The following MIER3 variants were observed in gnomAD, a reference collection of about 807,000 sequenced individuals.
MIER3 encodes the protein mesoderm induction early response protein 3.
A neutral mutation model predicts 63.2 loss-of-function variants in MIER3; 9 were observed. That is an observed-to-expected ratio of 0.14 (90% CI 0.09 to 0.25). The LOEUF is 0.25. Ranked by LOEUF, MIER3 falls within the 10% of genes least tolerant of loss-of-function variation. The pLI is 1.00. For missense variants in MIER3, 512 were observed against 666.2 expected (o/e 0.77, Z 2.55); for synonymous variants, 205 against 224.9 (o/e 0.91, Z 0.79).
chr5:56,923,084 A>G lies in MIER3; in HGVS notation c.*44T>C. On this transcript the variant is annotated 3_prime_UTR_variant, in exon 13 of 13. Transcript: ENST00000381199. Reference sequence around the variant, plus strand: ...TATGCAAACCTGATAGCTCCCCTCAAGTTTACTGGTGCTGCACACGCAGTT... The same window carrying G: ...TATGCAAACCTGATAGCTCCCCTCAGGTTTACTGGTGCTGCACACGCAGTT... 2 of 1,555,564 alleles carry G rather than the reference A, an allele frequency of 1.3e-6. No homozygotes were observed. The highest frequency in any genetic ancestry group is 1.8e-6 in the Non-Finnish European group (2 of 1,134,946).
At position 56,921,261 on chromosome 5, in the gene MIER3, A is replaced by G. The variant is rs1006939897; in HGVS notation, c.*1867T>C. ...AAGATTATGGCCAGTATCTTACTAAATTATAGAAAGTGTACTGATTTTTAA... is the reference window on the plus strand; with the variant it reads ...AAGATTATGGCCAGTATCTTACTAAGTTATAGAAAGTGTACTGATTTTTAA... On this transcript the variant is annotated 3_prime_UTR_variant, in exon 13 of 13. Transcript: ENST00000381199. 1.3e-5 allele frequency: 2 copies of G among 152,556 alleles called. No homozygotes were observed. Among genetic ancestry groups the G allele is most frequent in the Admixed American group, 1.3e-4 (2 of 15,276 alleles). The allele number at this position is 152,556 out of a possible 1,614,324, so 9.5% of individuals were successfully genotyped here. A position where few individuals can be genotyped will look rare whatever the true frequency, so the allele number is the denominator to read the frequency against.
At chr5:56,941,436 G>A (rs1750643285) in intron 3 of MIER3, 1 of 152,228 alleles carries the variant, frequency 6.6e-6, no homozygotes, top group African/African-American at 2.4e-5. Context: ...CTTCCAGAGG[G>A]TAGCAGGGAA....
intron 10 of MIER3, chr5:56,925,463 C>T: frequency 3.1e-6 from 1 of 319,236 alleles, no homozygotes; most frequent in South Asian, 2.6e-5. Context: ...TATATAACAG[C>T]AATGACGATT....
chr5:56,924,132 C>T, intron 10 of MIER3, 90 bp from the exon 11 acceptor site: 1 of 1,273,990 alleles, frequency 7.8e-7, no homozygotes. Context: ...AACTTCAATC[C>T]ATGGGTCTTA....
intron 4 of MIER3, among the ~76,000 whole-genome samples, chr5:56,938,113 CACTG>C (rs1414744880): frequency 1.3e-5 from 2 of 152,204 alleles, no homozygotes; most frequent in Non-Finnish European, 2.9e-5. Context: ...TAATGAACAG[CACTG>C]ACTACTGACA....
At chr5:56,925,494 C>T (rs1749923878) in intron 10 of MIER3, 1 of 283,486 alleles carries the variant, frequency 3.5e-6, no homozygotes. Context: ...ATTTAAAACA[C>T]AAGACCATTT....
intron 3 of MIER3, among the ~76,000 whole-genome samples, chr5:56,942,712 T>C (rs144964715): frequency 2.4e-4 from 37 of 151,672 alleles, no homozygotes; most frequent in African/African-American, 8.5e-4. Context: ...AGCCAGAAAA[T>C]AGAACGAGGA....
intron 3 of MIER3, among the ~76,000 whole-genome samples, chr5:56,944,600 C>T (rs1395318328): frequency 6.6e-6 from 1 of 152,172 alleles, no homozygotes; most frequent in Non-Finnish European, 1.5e-5. Flanking sequence ...CCAAATGAGG[C>T]TGAGATGCAT....
In MIER3 at chr5:56,930,758, T is replaced by A. The variant is rs376956708; in HGVS notation, c.748-13A>T. On this transcript the variant is annotated splice_polypyrimidine_tract_variant and intron_variant, in intron 8 of 12. Coordinates refer to ENST00000381199, the MANE Select transcript of MIER3 (RefSeq NM_001297599.2). ...GTTCATATAATGCCTGGGATGGATATTCAATAAAAAGTATTAAAAGTTCAT... is the reference window on the plus strand; with the variant it reads ...GTTCATATAATGCCTGGGATGGATAATCAATAAAAAGTATTAAAAGTTCAT... 2 of 1,606,666 alleles carry A rather than the reference T, an allele frequency of 1.2e-6. No homozygotes were observed. The highest frequency in any genetic ancestry group is 2.2e-5 in the South Asian group (2 of 90,880).
rs1038036928 is a variant in MIER3 at position 56,920,273 on chromosome 5, A to G, written c.*2855T>C. On this transcript the variant is annotated 3_prime_UTR_variant, in exon 13 of 13. Coordinates refer to ENST00000381199, the MANE Select transcript of MIER3 (RefSeq NM_001297599.2). Reference sequence around the variant, plus strand: ...AAAACTAAACATTTAAAAAGCTAGCATGAAAAAGATGAAGTACAACTAACA... The same window carrying G: ...AAAACTAAACATTTAAAAAGCTAGCGTGAAAAAGATGAAGTACAACTAACA... 1 of 152,610 alleles carries G rather than the reference A, an allele frequency of 6.6e-6. No homozygotes were observed. Among genetic ancestry groups the G allele is most frequent in the Non-Finnish European group, 1.5e-5 (1 of 68,000 alleles). The allele number at this position is 152,610 out of a possible 1,614,324, so 9.5% of individuals were successfully genotyped here.
Position 56,922,472 on chromosome 5 carries a change from A to G in MIER3, c.*656T>C, listed in dbSNP as rs1749716597. 1 of 152,752 alleles carries G rather than the reference A, an allele frequency of 6.5e-6. No homozygotes were observed. Among genetic ancestry groups the G allele is most frequent in the African/African-American group, 2.4e-5 (1 of 41,456 alleles). The allele number at this position is 152,752 out of a possible 1,614,324, so 9.5% of individuals were successfully genotyped here. The stretch of plus-strand genomic sequence containing the variant: ...GCAAGCGTCTTCATTATTTGCACAC[A>G]GTTCCTTGTGCTGGCTTCCATAAAG... On this transcript the variant is annotated 3_prime_UTR_variant, in exon 13 of 13. Coordinates refer to ENST00000381199, the MANE Select transcript of MIER3 (RefSeq NM_001297599.2).
At chr5:56,949,465 C>A (rs908780890) in intron 2 of MIER3, among the ~76,000 whole-genome samples, 1 of 152,164 alleles carries the variant, frequency 6.6e-6, no homozygotes, top group African/African-American at 2.4e-5. Flanking sequence ...TTCCATTAAT[C>A]CAGCTGTTTG....
chr5:56,942,410 T>C (rs796648817), intron 3 of MIER3, among the ~76,000 whole-genome samples: 4 of 152,350 alleles, frequency 2.6e-5, no homozygotes, highest in African/African-American at 9.6e-5. Flanking sequence ...AAAGATCCCT[T>C]TCTTGAGTTA....
At chr5:56,928,746 G>A in intron 10 of MIER3, 21 bp downstream of exon 10, 4 of 1,544,120 alleles carry the variant, frequency 2.6e-6, no homozygotes, top group Non-Finnish European at 3.6e-6. Flanking sequence ...TAATTTATCT[G>A]TACTAATCTG....
chr5:56,946,894 G>T, intron 3 of MIER3, 32 bp downstream of exon 3: 1 of 1,385,438 alleles, frequency 7.2e-7, no homozygotes, highest in Non-Finnish European at 9.6e-7. Context: ...CAAAATCTTT[G>T]TTAAGTTTGT....
chr5:56,937,431 T>C, intron 5 of MIER3, 147 bp downstream of exon 5: 2 of 849,644 alleles, frequency 2.4e-6, no homozygotes, highest in South Asian at 5.4e-5. Flanking sequence ...AAAAGAAAGG[T>C]TATAATCTTG....
intron 3 of MIER3, among the ~76,000 whole-genome samples, chr5:56,946,669 G>GC (rs1183327762): frequency 6.6e-6 from 1 of 151,968 alleles, no homozygotes; most frequent in Non-Finnish European, 1.5e-5. Flanking sequence ...ATAGTTTTCC[G>GC]TATCTCAATT....
chr5:56,928,488 G>A, intron 10 of MIER3: 1 of 226,840 alleles, frequency 4.4e-6, no homozygotes, highest in Non-Finnish European at 8.6e-6. Context: ...TGATAAGAAA[G>A]GAAAGTCAAG....
At chr5:56,923,659 CTG>C (rs760019019) in intron 12 of MIER3, 30 bp downstream of exon 12, 5 of 1,613,872 alleles carry the variant, frequency 3.1e-6, no homozygotes, top group African/African-American at 1.3e-5. Context: ...TTGCAACAAA[CTG>C]TACTAAATGC....
Sources: gnomAD v4.1 joint callset for allele counts (sites outside exome capture counted in the v4.1 genomes callset) on GRCh38, gnomAD v4.1.1 for gene constraint, MANE v1.5 for transcripts, NCBI Gene and HGNC (gene_info 2026-07-23, HGNC 2026-07-21) for gene names.